KIAA1217: variants seen among roughly 807,000 people sequenced by gnomAD.
KIAA1217 encodes sickle tail protein homolog.
A neutral mutation model predicts 163.9 loss-of-function variants in KIAA1217; 88 were observed. The observed-to-expected ratio is 0.54, with a 90% CI of 0.45 to 0.64. KIAA1217 has a LOEUF of 0.64. Ranked by LOEUF, KIAA1217 falls within the 30% of genes least tolerant of loss-of-function variation. KIAA1217 has a pLI of 0.00. For synonymous variants in KIAA1217, 903 were observed against 923.1 expected (o/e 0.98, Z 0.39); for missense variants, 2,372 against 2,475.0 (o/e 0.96, Z 0.88).
intron 3 of KIAA1217, among the ~76,000 whole-genome samples, chr10:24,389,976 G>A (rs549238653): frequency 6.6e-6 from 1 of 152,288 alleles, no homozygotes; most frequent in African/African-American, 2.4e-5. Context: ...TCCAATCAAG[G>A]CAGCATGGCT....
rs2075765024 is a variant in KIAA1217, at chr10:24,547,455, T to C, written c.*1131T>C. ...ATATACAGAACTATAAGCAGAGACT[T>C]TGCAAAACTAAATAAAGGGCTGCAT... On this transcript the variant is annotated 3_prime_UTR_variant, in exon 21 of 21. Coordinates refer to ENST00000376454, the MANE Select transcript of KIAA1217 (RefSeq NM_019590.5). 1 of 152,616 alleles carries C rather than the reference T, an allele frequency of 6.6e-6. No individual in the cohort carries two copies. The highest frequency in any genetic ancestry group is 2.1e-4 in the South Asian group (1 of 4,834). 9.5% of individuals were successfully genotyped at this position (152,616 alleles called of 1,614,324 possible).
At chr10:24,131,772 G>A (rs754645003) in intron 2 of KIAA1217, among the ~76,000 whole-genome samples, 4 of 152,170 alleles carry the variant, frequency 2.6e-5, no homozygotes, top group Non-Finnish European at 4.4e-5. Context: ...TCATAGAAAG[G>A]AATAGATTGT....
upstream of KIAA1217, among the ~76,000 whole-genome samples, chr10:24,207,508 C>A (rs145583852): frequency 1.1e-4 from 16 of 152,268 alleles, no homozygotes; most frequent in East Asian, 3.1e-3. Flanking sequence ...GCCCAGGGGC[C>A]ACCAGGACAG....
chr10:24,207,267 T>TTCTC (rs143092137), upstream of KIAA1217, among the ~76,000 whole-genome samples: 5 of 121,214 alleles, frequency 4.1e-5, no homozygotes, highest in South Asian at 2.7e-4. Context: ...GCTACAGTGT[T>TTCTC]TCTCTCTCTC....
chr10:24,296,726 TTTTC>T (rs1218638050), intron 2 of KIAA1217, among the ~76,000 whole-genome samples: 10 of 152,356 alleles, frequency 6.6e-5, no homozygotes, highest in African/African-American at 2.4e-4. Flanking sequence ...CTTTGATAGT[TTTTC>T]TTTCTTTCAT....
At chr10:24,104,741 T>C (rs2062555261) in intron 2 of KIAA1217, among the ~76,000 whole-genome samples, 1 of 152,248 alleles carries the variant, frequency 6.6e-6, no homozygotes. Context: ...TAGAAGAGGC[T>C]GTGCACATGT....
At chr10:24,101,332 T>A (rs1589501145) in intron 2 of KIAA1217, among the ~76,000 whole-genome samples, 1 of 152,126 alleles carries the variant, frequency 6.6e-6, no homozygotes, top group South Asian at 2.1e-4. Context: ...AGTTTTATGA[T>A]TCTAAATTAT....
chr10:23,721,971 A>C (rs7077821), intron 1 of KIAA1217, among the ~76,000 whole-genome samples: 5,838 of 152,238 alleles, frequency 0.038, 345 homozygotes, highest in African/African-American at 0.13. Context: ...TGGATAAACG[A>C]AATGTGATGT....
intron 1 of KIAA1217, among the ~76,000 whole-genome samples, chr10:23,840,792 G>A (rs1198304769): frequency 6.6e-6 from 1 of 152,148 alleles, no homozygotes; most frequent in Non-Finnish European, 1.5e-5. Flanking sequence ...AGAAACTTGT[G>A]GAAATGGTCA....
intron 1 of KIAA1217, among the ~76,000 whole-genome samples, chr10:23,904,149 C>A (rs1842058318): frequency 6.6e-6 from 1 of 151,994 alleles, no homozygotes; most frequent in South Asian, 2.1e-4. Context: ...AAAGGGCATG[C>A]CAGCTGTAAA....
At chr10:23,752,224 C>T (rs1839774478) in intron 1 of KIAA1217, among the ~76,000 whole-genome samples, 3 of 152,054 alleles carry the variant, frequency 2.0e-5, no homozygotes, top group South Asian at 2.1e-4. Flanking sequence ...CGCTAATTAG[C>T]GAGTTGGAAG....
intron 2 of KIAA1217, among the ~76,000 whole-genome samples, chr10:24,040,267 C>T (rs543802295): frequency 6.6e-6 from 1 of 152,220 alleles, no homozygotes. Flanking sequence ...GGAGTAGCCA[C>T]TTGGCTAGTG....
At chr10:24,294,084 G>C (rs750847630) in intron 2 of KIAA1217, among the ~76,000 whole-genome samples, 1 of 151,722 alleles carries the variant, frequency 6.6e-6, no homozygotes, top group Non-Finnish European at 1.5e-5. Context: ...CCCAGCTACT[G>C]GGGAGGCTGA....
chr10:23,713,816 T>C (rs1837404135), intron 1 of KIAA1217, among the ~76,000 whole-genome samples: 1 of 152,102 alleles, frequency 6.6e-6, no homozygotes, highest in Non-Finnish European at 1.5e-5. Context: ...CCCAGCAAAA[T>C]AATGCCTCAT....
Position 24,303,618 on chromosome 10 carries a change from A to G in KIAA1217, c.355-77251A>G, listed in dbSNP as rs78185197. On this transcript the variant is annotated intron_variant, in intron 2 of 20. Coordinates refer to ENST00000376454, the MANE Select transcript of KIAA1217 (RefSeq NM_019590.5). ...GGATTCCTGATGTCATTTACAGAGA[A>G]TGGGGAGGGGATCTGAGGTGGGATT... is the stretch of plus-strand genomic sequence containing the variant. Among the ~76,000 whole-genome samples, 1,334 of 152,234 alleles carry G rather than the reference A, an allele frequency of 8.8e-3. 19 individuals are homozygous for G. Among genetic ancestry groups the G allele is most frequent in the African/African-American group, 0.031 (1,270 of 41,556 alleles).
intron 2 of KIAA1217, among the ~76,000 whole-genome samples, chr10:24,095,243 T>C (rs971670936): frequency 1.3e-5 from 2 of 152,226 alleles, no homozygotes; most frequent in African/African-American, 4.8e-5. Flanking sequence ...CTGCACCCAC[T>C]GTCCTGCGCC....
intron 2 of KIAA1217, among the ~76,000 whole-genome samples, chr10:24,229,943 A>T (rs570396351): frequency 1.1e-4 from 16 of 152,292 alleles, no homozygotes; most frequent in Non-Finnish European, 1.8e-4. Flanking sequence ...TGAAGAACTT[A>T]CTCATTTAAC....
chr10:23,859,106 G>A (rs549913858), intron 1 of KIAA1217, among the ~76,000 whole-genome samples: 21 of 152,346 alleles, frequency 1.4e-4, no homozygotes, highest in Admixed American at 9.2e-4. Context: ...TAATGTGTGT[G>A]TGAACCCATA....
rs182851783 is a variant in KIAA1217, at chr10:23,748,932, C to T, written c.-321+53698C>T. The stretch of plus-strand genomic sequence containing the variant: ...CCACTCAACACTCCAGTTTTTTGGT[C>T]TCTTGACTTCCTCAATACTAGTGAA... On this transcript the variant is annotated intron_variant, in intron 1 of 18. Coordinates refer to the KIAA1217 transcript ENST00000376462. 5.6e-4 allele frequency among the ~76,000 whole-genome samples: 86 copies of T among 152,240 alleles called. 2 individuals carry two copies. Among genetic ancestry groups the T allele is most frequent in the Admixed American group, 3.4e-3 (52 of 15,288 alleles).
Sources: allele counts gnomAD v4.1 joint callset (sites outside exome capture counted in the v4.1 genomes callset), GRCh38; gene constraint gnomAD v4.1.1; transcripts MANE v1.5; gene names NCBI Gene and HGNC (gene_info 2026-07-23, HGNC 2026-07-21).